The following PTPRM variants were observed in gnomAD, a reference collection of about 807,000 sequenced individuals.
PTPRM encodes protein tyrosine phosphatase receptor type M, also known as receptor-type tyrosine-protein phosphatase mu.
Under a neutral mutation model 186.7 loss-of-function variants are expected in PTPRM, and 47 were observed. That is an observed-to-expected ratio of 0.25 (90% CI 0.20 to 0.32). PTPRM has a LOEUF of 0.32. Ranked by LOEUF, PTPRM falls within the 10% of genes least tolerant of loss-of-function variation. The pLI is 1.00. For missense variants in PTPRM, 1,494 were observed against 1,865.0 expected, an observed-to-expected ratio of 0.80 and a Z score of 3.66; for synonymous variants, 668 against 674.9, an observed-to-expected ratio of 0.99 and a Z score of 0.16.
chr18:7,592,314 G>A (rs889565001), intron 1 of PTPRM, among the ~76,000 whole-genome samples: 1 of 152,116 alleles, frequency 6.6e-6, no homozygotes, highest in Non-Finnish European at 1.5e-5. Flanking sequence ...GTAAAAATAG[G>A]GCAAATAGAA....
rs561690674 is a variant in PTPRM at position 7,917,703 on chromosome 18, T to A, written c.548-8865T>A. Among the ~76,000 whole-genome samples the A allele has an allele frequency of 3.3e-5, 5 of 152,304 alleles. No homozygotes were observed. In the East Asian group the frequency reaches 9.7e-4, roughly 29 times the overall value. On this transcript the variant is annotated intron_variant, in intron 4 of 32. Transcript: ENST00000580170. The stretch of plus-strand genomic sequence containing the variant: ...AGAAAAATTTGAATTGTTACTATCT[T>A]CTAGATATTTTGAAATATACAGTAG...
chr18:7,719,611 A>G (rs1183458058), intron 1 of PTPRM, among the ~76,000 whole-genome samples: 1 of 152,240 alleles, frequency 6.6e-6, no homozygotes, highest in East Asian at 1.9e-4. Context: ...TTAGGTGTAG[A>G]TAAAACATTT....
chr18:7,946,866 C>A (rs2052560370), intron 5 of PTPRM: 1 of 451,892 alleles, frequency 2.2e-6, no homozygotes, highest in African/African-American at 2.0e-5. Context: ...GCACTCCTGT[C>A]TGCTTTCTCA....
intron 13 of PTPRM, among the ~76,000 whole-genome samples, chr18:8,128,841 T>A (rs562293938): frequency 6.6e-6 from 1 of 152,326 alleles, no homozygotes. Flanking sequence ...AGATTTTCAA[T>A]GTATAAAAAC....
At chr18:8,065,470 G>A (rs534373054) in intron 7 of PTPRM, among the ~76,000 whole-genome samples, 2 of 152,192 alleles carry the variant, frequency 1.3e-5, no homozygotes, top group South Asian at 2.1e-4. Context: ...AGCTTCCTGC[G>A]TGACAGCCAG....
At chr18:7,604,421 A>G (rs1344095703) in intron 1 of PTPRM, among the ~76,000 whole-genome samples, 1 of 152,238 alleles carries the variant, frequency 6.6e-6, no homozygotes, top group East Asian at 1.9e-4. Flanking sequence ...GCTATAATCT[A>G]GGAAACAGAG....
intron 1 of PTPRM, among the ~76,000 whole-genome samples, chr18:7,639,939 G>A (rs2038408106): frequency 6.6e-6 from 1 of 152,124 alleles, no homozygotes; most frequent in Non-Finnish European, 1.5e-5. Flanking sequence ...AAATAGCCTT[G>A]TTATCATGTT....
chr18:7,656,260 C>T (rs1195141072), intron 1 of PTPRM, among the ~76,000 whole-genome samples: 4 of 152,256 alleles, frequency 2.6e-5, no homozygotes, highest in African/African-American at 4.8e-5. Context: ...AAAAGGGACA[C>T]GTGTTACAAC....
intron 14 of PTPRM, among the ~76,000 whole-genome samples, chr18:8,240,688 AG>A (rs563785119): frequency 1.0e-5 from 1 of 95,732 alleles, no homozygotes; most frequent in Non-Finnish European, 2.2e-5. Context: ...AAAAAGAAAG[AG>A]AGAAAGAGAG....
chr18:8,265,831 A>G (rs894264977), intron 19 of PTPRM, among the ~76,000 whole-genome samples: 24 of 152,164 alleles, frequency 1.6e-4, no homozygotes, highest in African/African-American at 5.1e-4. Context: ...GCAACTACTC[A>G]CAAAATGTCT....
At chr18:7,598,588 CA>C in intron 1 of PTPRM, among the ~76,000 whole-genome samples, 1 of 152,290 alleles carries the variant, frequency 6.6e-6, no homozygotes, top group South Asian at 2.1e-4. Flanking sequence ...CCTTTTATAA[CA>C]GGGTTTCTAA....
chr18:7,590,872 T>C (rs2037107540), intron 1 of PTPRM, among the ~76,000 whole-genome samples: 1 of 152,252 alleles, frequency 6.6e-6, no homozygotes, highest in African/African-American at 2.4e-5. Flanking sequence ...TTTTTCTGGA[T>C]CTACCAGGCT....
chr18:7,902,935 AC>A (rs2049777848), intron 3 of PTPRM, among the ~76,000 whole-genome samples: 1 of 152,104 alleles, frequency 6.6e-6, no homozygotes, highest in South Asian at 2.1e-4. Context: ...ATACAGATCA[AC>A]TTAAAAGTAG....
intron 2 of PTPRM, among the ~76,000 whole-genome samples, chr18:7,863,184 T>C (rs538016347): frequency 1.5e-4 from 23 of 152,228 alleles, no homozygotes; most frequent in Admixed American, 1.0e-3. Flanking sequence ...ATGGTGAGGC[T>C]TTTACATTTT....
At chr18:8,243,847 T>C (rs1036317633) in intron 14 of PTPRM, among the ~76,000 whole-genome samples, 6 of 152,170 alleles carry the variant, frequency 3.9e-5, no homozygotes, top group Admixed American at 6.5e-5. Flanking sequence ...TTTTATTTTG[T>C]TTTGTTTTTT....
chr18:7,802,674 T>C lies in PTPRM; in HGVS notation c.196+28403T>C, dbSNP rs1444575882. On this transcript the variant is annotated intron_variant, in intron 2 of 32. Transcript: ENST00000580170. ...AATCTGAACAAGCGATTATGTCACT[T>C]TGGAATCCGATTTCCTAGTAAATTG... Among the ~76,000 whole-genome samples, 3 of 152,216 alleles carry C rather than the reference T, an allele frequency of 2.0e-5. No individual in the cohort carries two copies. The East Asian group carries it at 5.8e-4, about 29-fold the overall frequency.
At position 8,012,276 on chromosome 18, in the gene PTPRM, G is replaced by A. The variant is rs73383891; in HGVS notation, c.1132+56862G>A. Among the ~76,000 whole-genome samples the A allele has an allele frequency of 8.1e-3, 1,227 of 152,278 alleles. 20 individuals are homozygous for A. The highest frequency in any genetic ancestry group is 0.029 in the African/African-American group (1,185 of 41,568). Reference sequence around the variant, plus strand: ...ATCTGCTTTTATTTTAAACTGAAGAGTTACTTTAGAAATGCCATTTTTTGT... The same window carrying A: ...ATCTGCTTTTATTTTAAACTGAAGAATTACTTTAGAAATGCCATTTTTTGT... On this transcript the variant is annotated intron_variant, in intron 7 of 32. Coordinates refer to ENST00000580170, the MANE Select transcript of PTPRM (RefSeq NM_001105244.2).
intron 4 of PTPRM, among the ~76,000 whole-genome samples, chr18:7,923,572 C>A (rs2050995217): frequency 6.6e-6 from 1 of 152,100 alleles, no homozygotes; most frequent in African/African-American, 2.4e-5. Context: ...CAATGGAAAA[C>A]CCACTAAATA....
At chr18:7,599,125 T>C (rs187599173) in intron 1 of PTPRM, among the ~76,000 whole-genome samples, 36 of 152,316 alleles carry the variant, frequency 2.4e-4, no homozygotes, top group African/African-American at 8.7e-4. Flanking sequence ...TGAGAAGAAG[T>C]AATTCTTCAG....
Sources: gnomAD v4.1 joint callset for allele counts (sites outside exome capture counted in the v4.1 genomes callset) on GRCh38, gnomAD v4.1.1 for gene constraint, MANE v1.5 for transcripts, NCBI Gene and HGNC (gene_info 2026-07-23, HGNC 2026-07-21) for gene names.